ADGRG4: variants seen among roughly 807,000 people sequenced by gnomAD.
ADGRG4 encodes the protein G protein-coupled receptor 112.
A neutral mutation model predicts 126.2 loss-of-function variants in ADGRG4; 122 were observed. That is an observed-to-expected ratio of 0.97 (90% CI 0.83 to 1.12). The LOEUF (loss-of-function observed/expected upper bound fraction) is 1.12. Among genes scored for constraint, ADGRG4 ranks in the 50% most tolerant of loss-of-function variants. ADGRG4 has a pLI of 0.00. For missense variants in ADGRG4, 2,481 were observed against 2,251.8 expected (o/e 1.10, Z -2.06); for synonymous variants, 943 against 838.7 (o/e 1.12, Z -2.15).
chrX:136,390,132 C>A (rs1224876923), intron 16 of ADGRG4, among the ~76,000 whole-genome samples: 1 of 111,434 alleles, frequency 9.0e-6, no homozygotes, highest in Non-Finnish European at 1.9e-5. Context: ...CTCACTGCAA[C>A]CTCTAACTCC....
Position 136,323,101 on chromosome X carries a change from A to C in ADGRG4, c.394A>C (p.Lys132Gln), listed in dbSNP as rs377604397. The C allele has an allele frequency of 6.4e-5, 78 of 1,209,652 alleles. No individual in the cohort carries two copies. Among genetic ancestry groups the C allele is most frequent in the Non-Finnish European group, 8.6e-5 (77 of 895,007 alleles). The change falls in exon 5 of 26, where the codon AAA (lysine) becomes CAA (glutamine). Residue 132 changes from lysine to glutamine, a missense_variant. Coordinates refer to ENST00000394143, the MANE Select transcript of ADGRG4 (RefSeq NM_153834.4). Reference protein sequence around the residue: ...ICLIWDGVKGKLELFLNKERI... With the variant: ...ICLIWDGVKGQLELFLNKERI... ...CTTGATATGGGATGGTGTGAAGGGC[A>C]AATTAGAACTCTTCCTGAATAAAGA...
chrX:136,323,830 T>C (rs1242839423), intron 5 of ADGRG4, among the ~76,000 whole-genome samples: 3 of 111,935 alleles, frequency 2.7e-5, no homozygotes, highest in Non-Finnish European at 1.9e-5. Context: ...CCCTTATAAC[T>C]ATTTTTTGCT....
rs776354198 is a variant in ADGRG4 at position 136,364,370 on chromosome X, G to A, written c.7396+775G>A. ...CTTGCCCTCACTTTTTGTACACAAA[G>A]TGGAGCATACTATACACACTATTCT... On this transcript the variant is annotated intron_variant, in intron 13 of 25. Coordinates refer to ENST00000394143, the MANE Select transcript of ADGRG4 (RefSeq NM_153834.4). Among the ~76,000 whole-genome samples, 3 of 111,504 alleles carry A rather than the reference G, an allele frequency of 2.7e-5. No homozygotes were observed. In the East Asian group the frequency reaches 8.4e-4, roughly 31 times the overall value.
chrX:136,347,381 T>G lies in ADGRG4; in HGVS notation c.3675T>G (p.Thr1225=), dbSNP rs187033337. 503 of 1,208,337 alleles carry G rather than the reference T, an allele frequency of 4.2e-4. 2 individuals are homozygous for G. In the East Asian group the frequency reaches 0.015, roughly 35 times the overall value. ...PSHISANKLT[T]SVNSHISSSA... ...ACATCTCTGCCAATAAGTTGACTAC[T>G]TCAGTAAACAGTCACATTTCTTCAT... Residue 1225 remains threonine, a synonymous_variant, in exon 6 of 26, where the codon ACT becomes ACG. Coordinates refer to ENST00000394143, the MANE Select transcript of ADGRG4 (RefSeq NM_153834.4).
rs1259175655 is a variant in ADGRG4 at position 136,349,544 on chromosome X, T to C, written c.5838T>C (p.Leu1946=). ...AMSSIPMSGI[L]PNHGLSENPS... is the part of the protein sequence containing the mutation. ...CATCAATTCCTATGTCAGGAATTCTTCCTAACCATGGGCTTTCTGAGAACC... is the reference window on the plus strand; with the variant it reads ...CATCAATTCCTATGTCAGGAATTCTCCCTAACCATGGGCTTTCTGAGAACC... The change falls in exon 6 of 26, where the codon CTT becomes CTC. Residue 1946 remains leucine (L), a synonymous_variant. Transcript: ENST00000394143. The C allele has an allele frequency of 1.7e-5, 20 of 1,207,830 alleles. No homozygotes were observed. The Admixed American group carries it at 4.4e-4, about 26-fold the overall frequency.
chrX:136,308,356 C>T (rs1037409620), intron 3 of ADGRG4, among the ~76,000 whole-genome samples: 4 of 111,816 alleles, frequency 3.6e-5, no homozygotes, highest in African/African-American at 1.3e-4. Context: ...GTGATCCACC[C>T]GCTTCGGCCT....
Position 136,349,723 on chromosome X carries a change from T to C in ADGRG4, c.6017T>C (p.Ile2006Thr). 8.3e-7 allele frequency: 1 copy of C among 1,210,629 alleles called. No individual in the cohort carries two copies. Reference sequence around the variant, plus strand: ...GGATCTGTAATTTCAAAGTCACCCATTCTGACATGGCTCTTATCTAGTCTC... The same window carrying C: ...GGATCTGTAATTTCAAAGTCACCCACTCTGACATGGCTCTTATCTAGTCTC... ...TSGSVISKSPILTWLLSSLPS... is the reference protein window; with the variant it reads ...TSGSVISKSPTLTWLLSSLPS... The change falls in exon 6 of 26, where the codon ATT becomes ACT. Residue 2006 changes from isoleucine (I) to threonine (T), a missense_variant. Transcript: ENST00000394143.
Position 136,363,587 on chromosome X carries a change from T to A in ADGRG4, c.7388T>A (p.Ile2463Lys). 9.3e-7 allele frequency: 1 copy of A among 1,076,175 alleles called. No homozygotes were observed. Among genetic ancestry groups the A allele is most frequent in the Non-Finnish European group, 1.3e-6 (1 of 772,394 alleles). The allele number at this position is 1,076,175 out of a possible 1,213,427, so 88.7% of individuals were successfully genotyped here. A position where few individuals can be genotyped will look rare whatever the true frequency, so the allele number is the denominator to read the frequency against. ...DKIVDLANIT[I>K]SDENAEDVAE... ...ATTGTGGATCTTGCTAATATTACCA[T>A]AAGTGATGGTAAGATTGTTTTGTAC... Residue 2463 changes from isoleucine to lysine, a missense_variant, in exon 13 of 26, where the codon ATA becomes AAA. Transcript: ENST00000394143.
intron 15 of ADGRG4, among the ~76,000 whole-genome samples, chrX:136,380,434 A>G (rs1314848699): frequency 9.1e-6 from 1 of 109,862 alleles, no homozygotes; most frequent in African/African-American, 3.3e-5. Flanking sequence ...CTTGTTTTCT[A>G]CTTTTTGATA....
At chrX:136,342,458 A>G (rs1357158951) in intron 5 of ADGRG4, among the ~76,000 whole-genome samples, 1 of 111,920 alleles carries the variant, frequency 8.9e-6, no homozygotes, top group East Asian at 2.8e-4. Flanking sequence ...TAAAAATCAC[A>G]TGCAAACAAA....
intron 19 of ADGRG4, among the ~76,000 whole-genome samples, chrX:136,397,491 CTTTTT>C (rs1184936316): frequency 7.9e-5 from 4 of 50,578 alleles, no homozygotes; most frequent in South Asian, 1.2e-3. Flanking sequence ...AGGAAAAGGA[CTTTTT>C]TTTTTTTTTT....
At chrX:136,416,335 T>C in intron 25 of ADGRG4, 119 bp from the exon 26 acceptor site, 1 of 526,047 alleles carries the variant, frequency 1.9e-6, no homozygotes, top group Middle Eastern at 3.5e-4. Context: ...CACCATATCC[T>C]TCCCTTCTCT....
intron 15 of ADGRG4, among the ~76,000 whole-genome samples, chrX:136,387,300 T>C (rs1408341105): frequency 8.9e-6 from 1 of 112,463 alleles, no homozygotes; most frequent in African/African-American, 3.2e-5. Context: ...CCATAAACTA[T>C]GAGGAAAGTG....
chrX:136,413,079 A>T (rs2075454986), intron 24 of ADGRG4, among the ~76,000 whole-genome samples: 1 of 107,136 alleles, frequency 9.3e-6, no homozygotes, highest in Admixed American at 1.0e-4. Flanking sequence ...CCAGTATTTT[A>T]TTTTATTTAT....
At chrX:136,408,239 CA>C (rs1348351863) in intron 23 of ADGRG4, among the ~76,000 whole-genome samples, 1 of 111,973 alleles carries the variant, frequency 8.9e-6, no homozygotes, top group African/African-American at 3.3e-5. Flanking sequence ...ATTTCAGATT[CA>C]GGGGGTAGAT....
At position 136,346,236 on chromosome X, in the gene ADGRG4, G is replaced by A. The variant is rs752689663; in HGVS notation, c.2530G>A (p.Ala844Thr). The change falls in exon 6 of 26, where the codon GCA becomes ACA. Residue 844 changes from alanine (A) to threonine (T), a missense_variant. Coordinates refer to ENST00000394143, the MANE Select transcript of ADGRG4 (RefSeq NM_153834.4). ...AAATGCCACTGTGACAAGAAAAGAA[G>A]CAACTTCCCATTATCTTATGAGAAA... ...RLNATVTRKE[A>T]TSHYLMRKST... 3.3e-6 allele frequency: 4 copies of A among 1,208,135 alleles called. No homozygotes were observed. The highest frequency in any genetic ancestry group is 5.9e-5 in the East Asian group (2 of 33,724).
intron 9 of ADGRG4, among the ~76,000 whole-genome samples, chrX:136,357,184 GC>G (rs1195965363): frequency 9.0e-6 from 1 of 111,437 alleles, no homozygotes; most frequent in East Asian, 2.8e-4. Flanking sequence ...TGGTCAAGCT[GC>G]CTGGGTTGGA....
chrX:136,393,329 C>G (rs1363591027), intron 17 of ADGRG4, among the ~76,000 whole-genome samples: 1 of 111,850 alleles, frequency 8.9e-6, no homozygotes, highest in African/African-American at 3.3e-5. Flanking sequence ...TGTTTTCTCA[C>G]TTGTAAATCC....
At position 136,395,461 on chromosome X, in the gene ADGRG4, T is replaced by C; in HGVS notation, c.8152T>C (p.Cys2718Arg). The C allele has an allele frequency of 1.7e-6, 2 of 1,187,918 alleles. No individual in the cohort carries two copies. The highest frequency in any genetic ancestry group is 2.3e-6 in the Non-Finnish European group (2 of 874,977). Residue 2718 changes from cysteine to arginine, a missense_variant, in exon 19 of 26, where the codon TGT (cysteine) becomes CGT (arginine). Transcript: ENST00000394143. Reference protein sequence around the residue: ...ETNVNYTICQCDHLTHFGVLM... With the variant: ...ETNVNYTICQRDHLTHFGVLM... ...AAATGTAAATTACACAATCTGTCAG[T>C]GTGACCACCTCACCCATTTTGGAGT...
Sources: gnomAD v4.1 joint callset for allele counts (sites outside exome capture counted in the v4.1 genomes callset) on GRCh38, gnomAD v4.1.1 for gene constraint, MANE v1.5 for transcripts, NCBI Gene and HGNC (gene_info 2026-07-23, HGNC 2026-07-21) for gene names.